The following THSD7B variants were observed in gnomAD, a reference collection of about 807,000 sequenced individuals.
The protein encoded by THSD7B is thrombospondin type 1 domain containing 7B, also known as thrombospondin type-1 domain-containing protein 7B.
In THSD7B, 138 loss-of-function variants were observed where a neutral mutation model predicts 213.6. The observed-to-expected ratio is 0.65, with a 90% CI of 0.56 to 0.74. THSD7B has a LOEUF of 0.74. Among genes scored for constraint, THSD7B ranks in the 30% least tolerant of loss-of-function variants. The pLI, the probability that THSD7B is intolerant of heterozygous loss-of-function variation, is 0.00. For missense variants in THSD7B, 1,931 were observed against 1,991.5 expected (o/e 0.97, Z 0.58); for synonymous variants, 742 against 687.0 (o/e 1.08, Z -1.25).
At chr2:136,789,654 G>C (rs1233888321) in intron 1 of THSD7B, among the ~76,000 whole-genome samples, 1 of 152,096 alleles carries the variant, frequency 6.6e-6, no homozygotes, top group African/African-American at 2.4e-5. Flanking sequence ...CAAGGAAATA[G>C]ATACTTTAAG....
chr2:137,189,334 A>C (rs561932322), intron 7 of THSD7B, among the ~76,000 whole-genome samples: 1 of 152,214 alleles, frequency 6.6e-6, no homozygotes, highest in East Asian at 1.9e-4. Context: ...CAGAAAGTTA[A>C]CAACAACAAC....
chr2:137,046,569 A>C (rs1477105878), intron 2 of THSD7B, among the ~76,000 whole-genome samples: 1 of 151,986 alleles, frequency 6.6e-6, no homozygotes, highest in East Asian at 1.9e-4. Context: ...GTCTCTACTA[A>C]AAATACAAAA....
chr2:136,940,744 T>A (rs1399912764), intron 2 of THSD7B, among the ~76,000 whole-genome samples: 11 of 143,984 alleles, frequency 7.6e-5, no homozygotes, highest in Non-Finnish European at 1.4e-4. Flanking sequence ...ATATATATAT[T>A]TTTTCTTATT....
intron 15 of THSD7B, among the ~76,000 whole-genome samples, chr2:137,473,084 C>T (rs1573645706): frequency 1.3e-5 from 2 of 150,138 alleles, no homozygotes; most frequent in African/African-American, 4.9e-5. Context: ...CAAACAAATA[C>T]TATTAATTGT....
At chr2:137,399,500 G>A (rs1221610243) in intron 12 of THSD7B, among the ~76,000 whole-genome samples, 1 of 152,060 alleles carries the variant, frequency 6.6e-6, no homozygotes, top group Non-Finnish European at 1.5e-5. Context: ...GCCTCTTTCA[G>A]CAGTTTTTAA....
At chr2:137,154,309 A>G (rs1679870053) in intron 5 of THSD7B, among the ~76,000 whole-genome samples, 1 of 152,126 alleles carries the variant, frequency 6.6e-6, no homozygotes, top group Non-Finnish European at 1.5e-5. Context: ...TAAGGGAAAG[A>G]TGAACTCCAT....
At chr2:137,286,501 T>C (rs1341275772) in intron 12 of THSD7B, among the ~76,000 whole-genome samples, 2 of 152,194 alleles carry the variant, frequency 1.3e-5, no homozygotes, top group South Asian at 2.1e-4. Flanking sequence ...CATTGGACTT[T>C]CATTCTCCGA....
intron 2 of THSD7B, among the ~76,000 whole-genome samples, chr2:136,977,450 T>C (rs1372543677): frequency 6.6e-6 from 1 of 152,166 alleles, no homozygotes; most frequent in Non-Finnish European, 1.5e-5. Context: ...TTTCTGTATG[T>C]CTATCTCCTT....
chr2:137,275,119 A>G (rs12623339), intron 11 of THSD7B, among the ~76,000 whole-genome samples: 4,097 of 152,200 alleles, frequency 0.027, 108 homozygotes, highest in Middle Eastern at 0.099. Flanking sequence ...ACAAGTCATC[A>G]TCTGCCCTGT....
chr2:137,118,614 C>A (rs1376125500), intron 5 of THSD7B, among the ~76,000 whole-genome samples: 1 of 152,006 alleles, frequency 6.6e-6, no homozygotes, highest in African/African-American at 2.4e-5. Flanking sequence ...AAAAATGGAA[C>A]ACAGTTTAGC....
At chr2:137,371,604 G>A (rs1390450956) in intron 12 of THSD7B, among the ~76,000 whole-genome samples, 3 of 151,722 alleles carry the variant, frequency 2.0e-5, no homozygotes, top group African/African-American at 7.3e-5. Context: ...TTCCTCCCTG[G>A]CATATTTTTG....
chr2:137,009,960 C>A (rs947234204), intron 2 of THSD7B, among the ~76,000 whole-genome samples: 1 of 152,198 alleles, frequency 6.6e-6, no homozygotes, highest in African/African-American at 2.4e-5. Flanking sequence ...AAAACAGTAA[C>A]ACCTTTATCA....
chr2:137,573,892 G>A (rs994141033), intron 17 of THSD7B, among the ~76,000 whole-genome samples: 2 of 151,990 alleles, frequency 1.3e-5, no homozygotes. Context: ...AATTAAGGTG[G>A]ATTTAGACTC....
intron 26 of THSD7B, among the ~76,000 whole-genome samples, chr2:137,667,125 G>C (rs1224060317): frequency 6.6e-6 from 1 of 151,678 alleles, no homozygotes; most frequent in Non-Finnish European, 1.5e-5. Context: ...CCATATTTTT[G>C]TATATGCATA....
intron 1 of THSD7B, among the ~76,000 whole-genome samples, chr2:136,800,325 A>G (rs1021478793): frequency 1.3e-5 from 2 of 151,898 alleles, no homozygotes; most frequent in African/African-American, 2.4e-5. Context: ...TAAGCATCAT[A>G]TTAAGTAGTG....
intron 7 of THSD7B, among the ~76,000 whole-genome samples, chr2:137,200,148 A>G (rs2105023299): frequency 6.6e-6 from 1 of 152,314 alleles, no homozygotes; most frequent in South Asian, 2.1e-4. Flanking sequence ...TTTCAGAAAT[A>G]TAGATTTCTT....
intron 3 of THSD7B, among the ~76,000 whole-genome samples, chr2:137,073,532 A>C (rs1261272132): frequency 2.0e-5 from 3 of 152,134 alleles, no homozygotes; most frequent in Non-Finnish European, 4.4e-5. Flanking sequence ...GTTCAAAAAA[A>C]CAGCTCCTGG....
intron 2 of THSD7B, among the ~76,000 whole-genome samples, chr2:137,052,580 T>G (rs1687088710): frequency 1.3e-5 from 2 of 152,260 alleles, no homozygotes; most frequent in East Asian, 1.9e-4. Flanking sequence ...GGTTTTTTTG[T>G]ATGTAATAAA....
intron 7 of THSD7B, among the ~76,000 whole-genome samples, chr2:137,177,621 T>A (rs1306440238): frequency 2.0e-5 from 3 of 152,184 alleles, no homozygotes; most frequent in Non-Finnish European, 4.4e-5. Context: ...TCTGGCAAGT[T>A]CCCAGGTGAT....
Sources: gnomAD v4.1 joint callset for allele counts (sites outside exome capture counted in the v4.1 genomes callset) on GRCh38, gnomAD v4.1.1 for gene constraint, MANE v1.5 for transcripts, NCBI Gene and HGNC (gene_info 2026-07-23, HGNC 2026-07-21) for gene names.